PEX5L: variants seen among roughly 807,000 people sequenced by gnomAD.
PEX5L encodes PEX5-related protein.
A neutral mutation model predicts 84.0 loss-of-function variants in PEX5L; 30 were observed. The observed-to-expected ratio is 0.36, with a 90% CI of 0.27 to 0.48. The LOEUF (loss-of-function observed/expected upper bound fraction) is 0.48. PEX5L is among the 20% of genes least tolerant of loss of function. The probability of loss-of-function intolerance (pLI) is 0.99; values close to 1 mark genes in which losing one functional copy is unlikely to be tolerated. For synonymous variants in PEX5L, 270 were observed against 283.1 expected (o/e 0.95, Z 0.46); for missense variants, 533 against 754.6 (o/e 0.71, Z 3.44).
chr3:179,829,838 G>A (rs796442704), intron 8 of PEX5L, among the ~76,000 whole-genome samples: 30 of 146,154 alleles, frequency 2.1e-4, no homozygotes, highest in African/African-American at 5.6e-4. Flanking sequence ...GTGCAGTGGC[G>A]TGATCTTGGC....
chr3:179,833,261 C>G (rs956418787), intron 8 of PEX5L, among the ~76,000 whole-genome samples: 7 of 152,202 alleles, frequency 4.6e-5, no homozygotes, highest in African/African-American at 7.2e-5. Context: ...TTACTTCTTA[C>G]AAAGAGCAAC....
chr3:179,898,331 C>A, intron 2 of PEX5L, 85 bp from the exon 3 acceptor site: 1 of 951,382 alleles, frequency 1.1e-6, no homozygotes, highest in South Asian at 1.9e-5. Context: ...GTTTAAAGAG[C>A]AATCCAACAT....
chr3:180,036,551 T>C (rs752894885), intron 1 of PEX5L, 28 bp downstream of exon 1: 1 of 1,610,766 alleles, frequency 6.2e-7, no homozygotes, highest in Non-Finnish European at 8.5e-7. Context: ...CCCCAAGAAT[T>C]CTCTCCAGCC....
intron 2 of PEX5L, among the ~76,000 whole-genome samples, chr3:179,953,645 G>A (rs902681816): frequency 6.6e-6 from 1 of 152,136 alleles, no homozygotes; most frequent in African/African-American, 2.4e-5. Context: ...TGGTTTCCAT[G>A]ATGCTGTAGG....
At chr3:179,974,312 T>A in intron 1 of PEX5L, 1 of 381,858 alleles carries the variant, frequency 2.6e-6, no homozygotes, top group Non-Finnish European at 3.6e-6. Context: ...TCACTTCCTG[T>A]GCTCCTCCCA....
chr3:179,837,786 T>C (rs1450875325), intron 8 of PEX5L, among the ~76,000 whole-genome samples: 1 of 152,214 alleles, frequency 6.6e-6, no homozygotes. Context: ...ATAAATACGT[T>C]GGGTATTGTC....
chr3:179,943,798 C>T (rs975059642), intron 2 of PEX5L, among the ~76,000 whole-genome samples: 2 of 152,216 alleles, frequency 1.3e-5, no homozygotes, highest in African/African-American at 4.8e-5. Context: ...AGTAACAATT[C>T]TCAACACAAT....
chr3:179,855,912 A>G (rs539672712), intron 8 of PEX5L, among the ~76,000 whole-genome samples: 1 of 152,330 alleles, frequency 6.6e-6, no homozygotes, highest in African/African-American at 2.4e-5. Flanking sequence ...ATAAATGACC[A>G]TATCTCAGGT....
At chr3:179,925,367 T>C (rs1358818449) in intron 2 of PEX5L, among the ~76,000 whole-genome samples, 1 of 151,314 alleles carries the variant, frequency 6.6e-6, no homozygotes, top group Non-Finnish European at 1.5e-5. Flanking sequence ...TTTTTTTATG[T>C]GTCCTTCCAG....
intron 2 of PEX5L, among the ~76,000 whole-genome samples, chr3:179,934,658 T>C (rs745434949): frequency 1.3e-5 from 2 of 152,200 alleles, no homozygotes; most frequent in African/African-American, 2.4e-5. Flanking sequence ...AAATAAAAAT[T>C]ATCTAACCAG....
chr3:180,007,035 A>G (rs1276716562), intron 1 of PEX5L, among the ~76,000 whole-genome samples: 1 of 152,228 alleles, frequency 6.6e-6, no homozygotes, highest in African/African-American at 2.4e-5. Flanking sequence ...TTTCGGCATT[A>G]ACCCAAAAGT....
intron 5 of PEX5L, among the ~76,000 whole-genome samples, chr3:179,878,065 C>T (rs1753029680): frequency 6.6e-6 from 1 of 152,156 alleles, no homozygotes; most frequent in South Asian, 2.1e-4. Context: ...TCTTTTTCTC[C>T]AGTTCTAGAC....
intron 8 of PEX5L, among the ~76,000 whole-genome samples, chr3:179,848,619 C>T (rs1035553900): frequency 2.6e-5 from 4 of 151,144 alleles, no homozygotes; most frequent in African/African-American, 9.7e-5. Flanking sequence ...TAAATGTGTG[C>T]ATGTGACAGA....
chr3:179,934,446 CAATT>C (rs1258672121), intron 2 of PEX5L, among the ~76,000 whole-genome samples: 1 of 152,210 alleles, frequency 6.6e-6, no homozygotes, highest in Admixed American at 6.5e-5. Flanking sequence ...AACATTGTCT[CAATT>C]AATCCTTAGC....
Position 179,807,718 on chromosome 3 carries a change from G to A in PEX5L, c.1632C>T (p.Ser544=). 6.2e-7 allele frequency: 1 copy of A among 1,614,190 alleles called. No individual in the cohort carries two copies. The highest frequency in any genetic ancestry group is 1.1e-5 in the South Asian group (1 of 91,088). The change falls in exon 14 of 15, where the codon TCC becomes TCT. Residue 544 remains serine (S), a synonymous_variant. Coordinates refer to ENST00000467460, the MANE Select transcript of PEX5L (RefSeq NM_016559.3). ...TGCAGCTTATTCCTAGGTTGTATCT[G>A]GACCGGATGAATCCTGGCTGAATCT... ...ALEIQPGFIR[S]RYNLGISCIN... is the part of the protein sequence containing the mutation.
At chr3:179,905,631 T>G (rs996962769) in intron 2 of PEX5L, among the ~76,000 whole-genome samples, 1 of 151,536 alleles carries the variant, frequency 6.6e-6, no homozygotes, top group Non-Finnish European at 1.5e-5. Flanking sequence ...AGTCACTGAT[T>G]GGCTCCAAAG....
intron 3 of PEX5L, chr3:179,888,080 T>C: frequency 9.7e-7 from 1 of 1,033,762 alleles, no homozygotes; most frequent in African/African-American, 1.6e-5. Context: ...AAATGACACG[T>C]ATTGAATCAT....
At chr3:179,856,921 A>C (rs1744210507) in intron 8 of PEX5L, among the ~76,000 whole-genome samples, 1 of 152,230 alleles carries the variant, frequency 6.6e-6, no homozygotes, top group Non-Finnish European at 1.5e-5. Flanking sequence ...ATATGAAACT[A>C]AAGTAGAATG....
intron 2 of PEX5L, among the ~76,000 whole-genome samples, chr3:179,956,590 T>G (rs1260796722): frequency 1.3e-5 from 2 of 152,182 alleles, no homozygotes; most frequent in Non-Finnish European, 2.9e-5. Flanking sequence ...AAGTTTCATG[T>G]GGCTGTAAAA....
Sources: gnomAD v4.1 joint callset for allele counts (sites outside exome capture counted in the v4.1 genomes callset) on GRCh38, gnomAD v4.1.1 for gene constraint, MANE v1.5 for transcripts, NCBI Gene and HGNC (gene_info 2026-07-23, HGNC 2026-07-21) for gene names.